Variants in TAFA1 observed in about 807,000 individuals in gnomAD.
TAFA1 encodes the protein TAFA chemokine like family member 1, also known as chemokine-like protein TAFA-1.
Under a neutral mutation model 18.5 loss-of-function variants are expected in TAFA1, and 4 were observed. The observed-to-expected ratio is 0.22, with a 90% confidence interval of 0.11 to 0.49. The LOEUF (loss-of-function observed/expected upper bound fraction) is 0.49. Among genes scored for constraint, TAFA1 ranks in the 20% least tolerant of loss-of-function variants. The pLI, the probability that TAFA1 is intolerant of heterozygous loss-of-function variation, is 0.98. For missense variants in TAFA1, 147 were observed against 169.0 expected, an observed-to-expected ratio of 0.87 and a Z score of 0.72; for synonymous variants, 56 against 55.2, an observed-to-expected ratio of 1.01 and a Z score of -0.06.
chr3:68,025,870 A>G (rs1304467913), intron 2 of TAFA1, among the ~76,000 whole-genome samples: 1 of 152,146 alleles, frequency 6.6e-6, no homozygotes, highest in African/African-American at 2.4e-5. Flanking sequence ...CTATTTTTGC[A>G]GTAGCATTTG....
At chr3:68,385,218 C>T (rs575625554) in intron 2 of TAFA1, among the ~76,000 whole-genome samples, 23 of 152,126 alleles carry the variant, frequency 1.5e-4, no homozygotes, top group Non-Finnish European at 2.4e-4. Flanking sequence ...TAGACTATTA[C>T]GAGGAAGGTG....
chr3:68,099,784 G>C (rs1284654885), intron 2 of TAFA1, among the ~76,000 whole-genome samples: 1 of 151,872 alleles, frequency 6.6e-6, no homozygotes, highest in Non-Finnish European at 1.5e-5. Context: ...AAGAAAATTT[G>C]GTACATACAC....
At chr3:68,260,794 T>G (rs903601926) in intron 2 of TAFA1, among the ~76,000 whole-genome samples, 2 of 152,152 alleles carry the variant, frequency 1.3e-5, no homozygotes, top group Non-Finnish European at 2.9e-5. Flanking sequence ...GACTTACATG[T>G]TAGACCTAAA....
intron 2 of TAFA1, among the ~76,000 whole-genome samples, chr3:68,082,618 C>G (rs1327866567): frequency 6.6e-6 from 1 of 152,112 alleles, no homozygotes; most frequent in Admixed American, 6.5e-5. Flanking sequence ...AAGTTAGTAC[C>G]AAAGCAATTG....
intron 2 of TAFA1, among the ~76,000 whole-genome samples, chr3:68,255,770 T>A (rs1338835111): frequency 6.6e-6 from 1 of 152,088 alleles, no homozygotes; most frequent in Non-Finnish European, 1.5e-5. Context: ...AGATATTGAC[T>A]AAAGTGTCCA....
intron 3 of TAFA1, among the ~76,000 whole-genome samples, chr3:68,450,404 G>C (rs1190232653): frequency 6.6e-6 from 1 of 152,196 alleles, no homozygotes. Context: ...AAGACAAAGA[G>C]GTCTGAGTTA....
At chr3:68,153,696 C>A (rs1559539975) in intron 2 of TAFA1, among the ~76,000 whole-genome samples, 1 of 152,068 alleles carries the variant, frequency 6.6e-6, no homozygotes, top group Non-Finnish European at 1.5e-5. Flanking sequence ...ATGGTGTTCT[C>A]ATGGCTAAGA....
intron 2 of TAFA1, among the ~76,000 whole-genome samples, chr3:68,020,312 A>G (rs1040442858): frequency 1.3e-5 from 2 of 152,148 alleles, no homozygotes. Context: ...AACTTGGTAT[A>G]CTAGGCCAAC....
At chr3:68,092,868 C>G (rs2065045192) in intron 2 of TAFA1, among the ~76,000 whole-genome samples, 1 of 152,044 alleles carries the variant, frequency 6.6e-6, no homozygotes, top group South Asian at 2.1e-4. Flanking sequence ...ACCCAGAGAC[C>G]AAGATTTACA....
chr3:68,510,289 G>C (rs2072825928), intron 3 of TAFA1, among the ~76,000 whole-genome samples: 3 of 152,012 alleles, frequency 2.0e-5, no homozygotes, highest in Admixed American at 2.0e-4. Context: ...CTGTTAACTT[G>C]GCCATCTCCC....
intron 2 of TAFA1, among the ~76,000 whole-genome samples, chr3:68,384,759 A>T (rs1011315844): frequency 1.3e-5 from 2 of 151,944 alleles, no homozygotes; most frequent in Non-Finnish European, 2.9e-5. Flanking sequence ...AATATTGTCA[A>T]TGGGGTGTTA....
At chr3:68,454,133 G>A (rs967959154) in intron 3 of TAFA1, among the ~76,000 whole-genome samples, 2 of 152,166 alleles carry the variant, frequency 1.3e-5, no homozygotes, top group Non-Finnish European at 2.9e-5. Flanking sequence ...AGAACCTACA[G>A]TAGTTGACAC....
intron 2 of TAFA1, among the ~76,000 whole-genome samples, chr3:68,074,842 T>C (rs1420364869): frequency 6.6e-6 from 1 of 152,240 alleles, no homozygotes; most frequent in Non-Finnish European, 1.5e-5. Context: ...ACAAGCTATT[T>C]AGGTCATTTT....
At chr3:68,133,157 G>C (rs2065563763) in intron 2 of TAFA1, among the ~76,000 whole-genome samples, 1 of 152,126 alleles carries the variant, frequency 6.6e-6, no homozygotes, top group Non-Finnish European at 1.5e-5. Context: ...TGTCAGGTTT[G>C]TCAAAGATCA....
intron 2 of TAFA1, among the ~76,000 whole-genome samples, chr3:68,187,077 G>T (rs2066280337): frequency 1.3e-5 from 2 of 151,760 alleles, no homozygotes; most frequent in South Asian, 4.2e-4. Context: ...GGAGTACCTT[G>T]TCAATAATGA....
chr3:68,238,240 G>A (rs755155076), intron 2 of TAFA1, among the ~76,000 whole-genome samples: 2 of 152,144 alleles, frequency 1.3e-5, no homozygotes, highest in Non-Finnish European at 2.9e-5. Context: ...CAGAGGGCTG[G>A]TAACACCACT....
chr3:68,011,649 G>A (rs777611577), intron 2 of TAFA1, among the ~76,000 whole-genome samples: 3 of 152,122 alleles, frequency 2.0e-5, no homozygotes, highest in East Asian at 1.9e-4. Flanking sequence ...GAAATAGTGG[G>A]TACAACTATG....
intron 3 of TAFA1, among the ~76,000 whole-genome samples, chr3:68,479,241 A>AAAAAAAAAAT (rs1353493315): frequency 5.7e-5 from 7 of 123,674 alleles, no homozygotes; most frequent in African/African-American, 2.5e-4. Flanking sequence ...AAAAAAAAAA[A>AAAAAAAAAAT]ATATATATAT....
At chr3:68,145,799 A>G (rs983539069) in intron 2 of TAFA1, among the ~76,000 whole-genome samples, 1 of 152,244 alleles carries the variant, frequency 6.6e-6, no homozygotes, top group African/African-American at 2.4e-5. Flanking sequence ...CCTAGGCCCT[A>G]TGAAGTACAC....
Sources: allele counts gnomAD v4.1 joint callset (sites outside exome capture counted in the v4.1 genomes callset), GRCh38; gene constraint gnomAD v4.1.1; transcripts MANE v1.5; gene names NCBI Gene and HGNC (gene_info 2026-07-23, HGNC 2026-07-21).